The following SESN1 variants were observed in gnomAD, a reference collection of about 807,000 sequenced individuals.
SESN1 encodes sestrin 1.
In SESN1, 30 loss-of-function variants were observed where a neutral mutation model predicts 59.3. That is an observed-to-expected ratio of 0.51 (90% CI 0.38 to 0.69). SESN1 has a LOEUF of 0.69. SESN1 is among the 30% of genes least tolerant of loss of function. SESN1 has a pLI of 0.00. For synonymous variants in SESN1, 197 were observed against 219.9 expected (o/e 0.90, Z 0.92); for missense variants, 566 against 673.0 (o/e 0.84, Z 1.76).
chr6:109,020,048 A>G (rs1779985713), intron 1 of SESN1, among the ~76,000 whole-genome samples: 1 of 152,236 alleles, frequency 6.6e-6, no homozygotes, highest in South Asian at 2.1e-4. Flanking sequence ...ATGCAGTTCA[A>G]ATAGGTCACA....
At chr6:109,092,876 A>C (rs1423882547) in intron 1 of SESN1, among the ~76,000 whole-genome samples, 1 of 152,176 alleles carries the variant, frequency 6.6e-6, no homozygotes, top group African/African-American at 2.4e-5. Context: ...CTGTTGCTTT[A>C]AACTAAATTC....
chr6:109,039,358 C>T (rs1780302370), intron 1 of SESN1, among the ~76,000 whole-genome samples: 1 of 152,182 alleles, frequency 6.6e-6, no homozygotes, highest in Admixed American at 6.5e-5. Flanking sequence ...CATTCTCAAA[C>T]ATGATTAACT....
chr6:109,061,160 TAA>T (rs1470249807), intron 1 of SESN1, among the ~76,000 whole-genome samples: 2 of 152,124 alleles, frequency 1.3e-5, no homozygotes, highest in African/African-American at 4.8e-5. Flanking sequence ...AAAGCAACAA[TAA>T]GTTACTCTTA....
chr6:108,996,683 G>A (rs2114288640), intron 5 of SESN1, among the ~76,000 whole-genome samples: 1 of 152,050 alleles, frequency 6.6e-6, no homozygotes, highest in East Asian at 1.9e-4. Context: ...TTAAAATTGT[G>A]TAAGAAAACT....
intron 1 of SESN1, among the ~76,000 whole-genome samples, chr6:109,065,274 CCT>C (rs1780803049): frequency 6.6e-6 from 1 of 152,030 alleles, no homozygotes; most frequent in South Asian, 2.1e-4. Context: ...ATTATTTTCC[CCT>C]AATACTATTA....
At chr6:109,001,653 T>C (rs1039807697) in intron 2 of SESN1, among the ~76,000 whole-genome samples, 165 bp from the exon 3 acceptor site, 6 of 152,080 alleles carry the variant, frequency 3.9e-5, no homozygotes, top group Admixed American at 3.9e-4. Context: ...TACAGAAGAA[T>C]AAACAGTTAC....
chr6:109,050,049 T>C (rs1210694757), intron 1 of SESN1, among the ~76,000 whole-genome samples: 1 of 152,206 alleles, frequency 6.6e-6, no homozygotes, highest in African/African-American at 2.4e-5. Context: ...TTTAAAACTC[T>C]GTATATGAAG....
At chr6:109,041,542 A>C (rs1780343119) in intron 1 of SESN1, among the ~76,000 whole-genome samples, 1 of 152,126 alleles carries the variant, frequency 6.6e-6, no homozygotes, top group African/African-American at 2.4e-5. Context: ...AAAAAGCAGG[A>C]ATTTTTATAT....
intron 1 of SESN1, among the ~76,000 whole-genome samples, chr6:109,060,041 A>C (rs777210547): frequency 1.3e-5 from 2 of 152,134 alleles, no homozygotes; most frequent in African/African-American, 2.4e-5. Context: ...GCCTGAAAGC[A>C]CCAAAGCTAG....
At chr6:109,045,819 C>T (rs1396845427) in intron 1 of SESN1, among the ~76,000 whole-genome samples, 1 of 152,168 alleles carries the variant, frequency 6.6e-6, no homozygotes, top group African/African-American at 2.4e-5. Context: ...GAGACCTTTG[C>T]CTTATCTGTT....
At chr6:109,050,146 G>A (rs1780518629) in intron 1 of SESN1, among the ~76,000 whole-genome samples, 1 of 152,092 alleles carries the variant, frequency 6.6e-6, no homozygotes, top group Non-Finnish European at 1.5e-5. Context: ...CAGGTTTTAT[G>A]GGATGACACA....
intron 1 of SESN1, among the ~76,000 whole-genome samples, chr6:109,077,207 C>T (rs1199002410): frequency 6.6e-6 from 1 of 152,166 alleles, no homozygotes; most frequent in East Asian, 1.9e-4. Context: ...TATCACCCTA[C>T]ATTTCACATA....
intron 1 of SESN1, among the ~76,000 whole-genome samples, chr6:109,035,309 C>T (rs1222399971): frequency 7.2e-5 from 11 of 152,132 alleles, no homozygotes; most frequent in Admixed American, 7.2e-4. Flanking sequence ...CCCCTAACTT[C>T]AGAGAGCTAA....
intron 1 of SESN1, among the ~76,000 whole-genome samples, chr6:109,019,204 A>AACAC (rs528894627): frequency 6.6e-6 from 1 of 151,916 alleles, no homozygotes; most frequent in Non-Finnish European, 1.5e-5. Context: ...CACACACACA[A>AACAC]ACACACACAC....
In SESN1 at chr6:108,994,592, A is replaced by T; in HGVS notation, c.990T>A (p.Phe330Leu). 2 of 1,612,232 alleles carry T rather than the reference A, an allele frequency of 1.2e-6. No homozygotes were observed. The highest frequency in any genetic ancestry group is 1.7e-6 in the Non-Finnish European group (2 of 1,179,058). Residue 330 changes from phenylalanine to leucine, a missense_variant, in exon 6 of 10, where the codon TTT becomes TTA. Physicochemically the swap from Phe to Leu is conservative, Grantham distance 22. Coordinates refer to ENST00000436639, the MANE Select transcript of SESN1 (RefSeq NM_014454.3). ...AENVSVSDSF[F>L]EVEALMEKMR... is the part of the protein sequence containing the mutation. ...TCTTTTCCATGAGGGCTTCAACCTC[A>T]AAGAAAGAATCACTTACCTGAAGAA... is the stretch of plus-strand genomic sequence containing the variant.
intron 1 of SESN1, 101 bp from the exon 2 acceptor site, chr6:109,002,444 G>C (rs904928233): frequency 3.4e-6 from 3 of 885,908 alleles, no homozygotes; most frequent in Non-Finnish European, 5.5e-6. Context: ...ACAGAGACAG[G>C]CTTGTTTTGA....
At position 109,002,383 on chromosome 6, in the gene SESN1, A is replaced by G. The variant is rs751926870; in HGVS notation, c.280-40T>C. 12 of 1,526,686 alleles carry G rather than the reference A, an allele frequency of 7.9e-6. No individual in the cohort carries two copies. The South Asian group carries it at 1.3e-4, about 17-fold the overall frequency. 94.6% of individuals were successfully genotyped at this position (1,526,686 alleles called of 1,614,324 possible). On this transcript the variant is annotated intron_variant, in intron 1 of 9. Coordinates refer to ENST00000436639, the MANE Select transcript of SESN1 (RefSeq NM_014454.3). ...TACACCATCTCAGGCCTTTGGCAGT[A>G]AACAAAATGAACTGAGGCTAAAGGA...
intron 1 of SESN1, among the ~76,000 whole-genome samples, chr6:109,091,443 G>C (rs565949658): frequency 6.6e-6 from 1 of 152,228 alleles, no homozygotes; most frequent in South Asian, 2.1e-4. Context: ...CCAAACTCCA[G>C]AGTATGTCCT....
intron 1 of SESN1, among the ~76,000 whole-genome samples, chr6:109,085,085 A>G (rs1781190204): frequency 6.6e-6 from 1 of 151,610 alleles, no homozygotes; most frequent in Admixed American, 6.6e-5. Flanking sequence ...TTTATGGTAC[A>G]TGTATCTTTA....
Sources: allele counts gnomAD v4.1 joint callset (sites outside exome capture counted in the v4.1 genomes callset), GRCh38; gene constraint gnomAD v4.1.1; transcripts MANE v1.5; gene names NCBI Gene and HGNC (gene_info 2026-07-23, HGNC 2026-07-21).